VDAC1: variants seen among roughly 807,000 people sequenced by gnomAD.
VDAC1 encodes the protein voltage dependent anion channel 1, also known as non-selective voltage-gated ion channel VDAC1.
VDAC1 carries 10 observed loss-of-function variants against 34.7 expected under a neutral mutation model. That is an observed-to-expected ratio of 0.29 (90% CI 0.18 to 0.49). The LOEUF (loss-of-function observed/expected upper bound fraction) is 0.49. Among genes scored for constraint, VDAC1 ranks in the 20% least tolerant of loss-of-function variants. The pLI is 0.99. For synonymous variants in VDAC1, 130 were observed against 136.0 expected, an observed-to-expected ratio of 0.96 and a Z score of 0.30; for missense variants, 230 against 347.9, an observed-to-expected ratio of 0.66 and a Z score of 2.69.
At chr5:134,075,566 T>TTTTGTTTG in the VDAC1 span, among the ~76,000 whole-genome samples, 1 of 152,140 alleles carries the variant, frequency 6.6e-6, no homozygotes. Context: ...GATACTGGTT[T>TTTTGTTTG]TTTGTTTGTT....
the VDAC1 span, among the ~76,000 whole-genome samples, chr5:134,072,340 G>A: frequency 6.6e-6 from 1 of 152,098 alleles, no homozygotes; most frequent in Non-Finnish European, 1.5e-5. Flanking sequence ...CCACTGAAGG[G>A]GCAGGACCTG....
chr5:133,994,847 G>A (rs1055303875), intron 1 of VDAC1, among the ~76,000 whole-genome samples: 4 of 152,072 alleles, frequency 2.6e-5, no homozygotes, highest in African/African-American at 9.7e-5. Flanking sequence ...GTGGGGGCTG[G>A]GGAAGCAGAA....
At chr5:134,016,960 A>G in the VDAC1 span, among the ~76,000 whole-genome samples, 2 of 152,214 alleles carry the variant, frequency 1.3e-5, no homozygotes, top group Non-Finnish European at 2.9e-5. Flanking sequence ...CTACTTTCAC[A>G]GTCTGTAGGG....
chr5:133,996,475 G>A (rs142923587), intron 1 of VDAC1, among the ~76,000 whole-genome samples: 321 of 152,146 alleles, frequency 2.1e-3, no homozygotes, highest in Admixed American at 3.9e-3. Context: ...TAATACTTAC[G>A]TAACCTCTGT....
chr5:134,018,836 C>A, the VDAC1 span, among the ~76,000 whole-genome samples: 1 of 152,192 alleles, frequency 6.6e-6, no homozygotes, highest in East Asian at 1.9e-4. Flanking sequence ...GCCCTGTGGG[C>A]ATTTGACCAG....
At chr5:134,026,291 A>C in the VDAC1 span, among the ~76,000 whole-genome samples, 1 of 152,088 alleles carries the variant, frequency 6.6e-6, no homozygotes, top group Non-Finnish European at 1.5e-5. Flanking sequence ...GCAGATCACG[A>C]GGTCAGAAGA....
At chr5:133,995,334 TC>T (rs1283500602) in intron 1 of VDAC1, among the ~76,000 whole-genome samples, 4 of 152,154 alleles carry the variant, frequency 2.6e-5, no homozygotes, top group South Asian at 4.2e-4. Context: ...CTAAAACATA[TC>T]CCTATCCAAT....
At chr5:133,985,003 G>A (rs1399927384) in intron 5 of VDAC1, among the ~76,000 whole-genome samples, 1 of 152,184 alleles carries the variant, frequency 6.6e-6, no homozygotes, top group Admixed American at 6.5e-5. Context: ...CACAAGTTTT[G>A]CAAGAGTTTT....
At chr5:134,042,370 C>T in the VDAC1 span, among the ~76,000 whole-genome samples, 1 of 152,228 alleles carries the variant, frequency 6.6e-6, no homozygotes, top group Non-Finnish European at 1.5e-5. Flanking sequence ...TCCTGTCTTG[C>T]CATCCCTTGC....
chr5:134,061,224 A>G, the VDAC1 span, among the ~76,000 whole-genome samples: 1 of 146,278 alleles, frequency 6.8e-6, no homozygotes, highest in African/African-American at 2.5e-5. Flanking sequence ...CTAAAGCCCC[A>G]TCCTCCATCC....
chr5:134,085,357 C>T, the VDAC1 span, among the ~76,000 whole-genome samples: 1 of 151,864 alleles, frequency 6.6e-6, no homozygotes, highest in Admixed American at 6.6e-5. Flanking sequence ...CGTGAGCCAC[C>T]GCGTGTGGCC....
chr5:134,027,627 AC>A, the VDAC1 span, among the ~76,000 whole-genome samples: 40 of 152,146 alleles, frequency 2.6e-4, no homozygotes. Flanking sequence ...AGAACGAGCC[AC>A]CCACATTAAT....
the VDAC1 span, among the ~76,000 whole-genome samples, chr5:134,020,501 GGA>G: frequency 6.6e-6 from 1 of 151,978 alleles, no homozygotes; most frequent in African/African-American, 2.4e-5. Context: ...ATCTGAAGAG[GGA>G]GAGAATCCAG....
the VDAC1 span, among the ~76,000 whole-genome samples, chr5:134,024,682 A>G: frequency 6.6e-6 from 1 of 152,030 alleles, no homozygotes; most frequent in Non-Finnish European, 1.5e-5. Context: ...CTCACCTCAC[A>G]TTTCACTGGG....
the VDAC1 span, among the ~76,000 whole-genome samples, chr5:134,040,681 C>T: frequency 1.3e-5 from 2 of 152,146 alleles, no homozygotes; most frequent in African/African-American, 2.4e-5. Context: ...GAGCCAATAT[C>T]GTACTGCTGC....
the VDAC1 span, among the ~76,000 whole-genome samples, chr5:134,111,381 T>C: frequency 6.6e-6 from 1 of 152,154 alleles, no homozygotes; most frequent in Non-Finnish European, 1.5e-5. Context: ...TGGGGCCTCC[T>C]TGCAGCTGGT....
upstream of VDAC1, among the ~76,000 whole-genome samples, chr5:134,007,269 A>G (rs1394049930): frequency 6.6e-6 from 1 of 151,044 alleles, no homozygotes; most frequent in Non-Finnish European, 1.5e-5. Flanking sequence ...AAAAAAGAGT[A>G]GGCACTCATC....
the VDAC1 span, among the ~76,000 whole-genome samples, chr5:134,085,722 T>TAAAA: frequency 3.4e-3 from 151 of 44,234 alleles, 15 homozygotes; most frequent in South Asian, 0.01. Flanking sequence ...ACCCCATTTC[T>TAAAA]AAAAAAAAAA....
the VDAC1 span, among the ~76,000 whole-genome samples, chr5:134,020,698 G>A: frequency 2.0e-5 from 3 of 151,180 alleles, no homozygotes; most frequent in African/African-American, 7.3e-5. Flanking sequence ...GTTTTTTGAG[G>A]TGGAGTCTCG....
Sources: allele counts gnomAD v4.1 joint callset (sites outside exome capture counted in the v4.1 genomes callset), GRCh38; gene constraint gnomAD v4.1.1; transcripts MANE v1.5; gene names NCBI Gene and HGNC (gene_info 2026-07-23, HGNC 2026-07-21).